DOK6: variants seen among roughly 807,000 people sequenced by gnomAD.
The protein encoded by DOK6 is downstream of tyrosine kinase 6.
DOK6 carries 22 observed loss-of-function variants against 44.0 expected under a neutral mutation model. The observed-to-expected ratio is 0.50, with a 90% confidence interval of 0.36 to 0.71. DOK6 has a LOEUF of 0.71. Among genes scored for constraint, DOK6 ranks in the 30% least tolerant of loss-of-function variants. The pLI is 0.00. For synonymous variants in DOK6, 166 were observed against 145.5 expected (o/e 1.14, Z -1.01); for missense variants, 340 against 416.4 (o/e 0.82, Z 1.60).
chr18:69,476,851 A>C (rs1442459494), intron 1 of DOK6, among the ~76,000 whole-genome samples: 1 of 152,234 alleles, frequency 6.6e-6, no homozygotes, highest in African/African-American at 2.4e-5. Flanking sequence ...ATACTCATGC[A>C]ATCCATGAAG....
At chr18:69,722,471 C>T (rs1430205513) in intron 5 of DOK6, among the ~76,000 whole-genome samples, 1 of 152,186 alleles carries the variant, frequency 6.6e-6, no homozygotes, top group Non-Finnish European at 1.5e-5. Context: ...ATGCCCATCG[C>T]TTTGGTGCCT....
chr18:69,437,814 G>T (rs914409167), intron 1 of DOK6, among the ~76,000 whole-genome samples: 1 of 152,106 alleles, frequency 6.6e-6, no homozygotes, highest in Non-Finnish European at 1.5e-5. Flanking sequence ...TATTGGTTCA[G>T]TTCTAGACCA....
intron 4 of DOK6, among the ~76,000 whole-genome samples, chr18:69,689,320 C>T (rs1986216099): frequency 6.6e-6 from 1 of 151,990 alleles, no homozygotes; most frequent in South Asian, 2.1e-4. Context: ...TTATATTTCA[C>T]AATATAGTTC....
chr18:69,822,154 T>C (rs951376383), intron 7 of DOK6, among the ~76,000 whole-genome samples: 1 of 152,226 alleles, frequency 6.6e-6, no homozygotes, highest in Non-Finnish European at 1.5e-5. Context: ...GCACTGAAAC[T>C]TAGCAGAGTC....
intron 3 of DOK6, among the ~76,000 whole-genome samples, chr18:69,670,243 A>T (rs186798646): frequency 1.1e-4 from 17 of 152,286 alleles, no homozygotes; most frequent in African/African-American, 4.1e-4. Flanking sequence ...TTTGGTACAG[A>T]GAAACAGTTT....
At chr18:69,405,962 T>C (rs1475581819) in intron 1 of DOK6, among the ~76,000 whole-genome samples, 1 of 152,268 alleles carries the variant, frequency 6.6e-6, no homozygotes, top group Non-Finnish European at 1.5e-5. Context: ...GACATTGTTT[T>C]CTGAAATGGA....
At position 69,548,134 on chromosome 18, in the gene DOK6, T is replaced by G. The variant is rs190688274; in HGVS notation, c.67-16353T>G. ...ACACCCGGCTAATTTTTTGTATTTT[T>G]AGTAGAGACGGGGTTTCACGGTGTT... On this transcript the variant is annotated intron_variant, in intron 1 of 7. Coordinates refer to ENST00000382713, the MANE Select transcript of DOK6 (RefSeq NM_152721.6). Among the ~76,000 whole-genome samples, 127 of 150,634 alleles carry G rather than the reference T, an allele frequency of 8.4e-4. 1 individual carries two copies. Among genetic ancestry groups the G allele is most frequent in the Middle Eastern group, 3.4e-3 (1 of 290 alleles).
rs1979412719 is a variant in DOK6, at chr18:69,757,884, T to A, written c.856+11T>A. On this transcript the variant is annotated intron_variant, in intron 7 of 7. Transcript: ENST00000382713. ...TCTACAGTTTGCAAGGCAAGTCACT[T>A]TAATGTAAGAAAGCAGTGCCTCCAT... 1 of 1,609,834 alleles carries A rather than the reference T, an allele frequency of 6.2e-7. No homozygotes were observed. Among genetic ancestry groups the A allele is most frequent in the Non-Finnish European group, 8.5e-7 (1 of 1,176,188 alleles).
intron 2 of DOK6, among the ~76,000 whole-genome samples, chr18:69,576,348 C>T (rs1275260947): frequency 6.6e-6 from 1 of 151,298 alleles, no homozygotes; most frequent in African/African-American, 2.4e-5. Context: ...TTGATATACC[C>T]TAAAATCAAA....
chr18:69,577,871 ATATC>A (rs1983274929), intron 2 of DOK6, among the ~76,000 whole-genome samples: 1 of 152,150 alleles, frequency 6.6e-6, no homozygotes, highest in African/African-American at 2.4e-5. Flanking sequence ...AAAATCTTAG[ATATC>A]TATCGCCAAT....
chr18:69,436,672 C>A (rs1978989119), intron 1 of DOK6, among the ~76,000 whole-genome samples: 1 of 152,126 alleles, frequency 6.6e-6, no homozygotes, highest in South Asian at 2.1e-4. Flanking sequence ...CGGGTATATA[C>A]CCAGTAATGG....
chr18:69,485,577 G>C (rs1980551861), intron 1 of DOK6, among the ~76,000 whole-genome samples: 1 of 151,954 alleles, frequency 6.6e-6, no homozygotes, highest in African/African-American at 2.4e-5. Flanking sequence ...ATCCTTTTTT[G>C]TGCCATTTTG....
intron 3 of DOK6, among the ~76,000 whole-genome samples, chr18:69,641,036 T>C (rs1451459433): frequency 6.6e-6 from 1 of 151,854 alleles, no homozygotes; most frequent in Non-Finnish European, 1.5e-5. Flanking sequence ...GCCAACATAG[T>C]AAAACCACGT....
At chr18:69,833,242 C>T (rs1282861565) in intron 7 of DOK6, among the ~76,000 whole-genome samples, 1 of 152,032 alleles carries the variant, frequency 6.6e-6, no homozygotes, top group Non-Finnish European at 1.5e-5. Flanking sequence ...GAGTTGAGGA[C>T]CCAGACATAA....
chr18:69,847,418 A>G lies in DOK6; in HGVS notation c.*6035A>G, dbSNP rs1219793285. The G allele has an allele frequency of 6.6e-6, 1 of 152,194 alleles. No individual in the cohort carries two copies. Among genetic ancestry groups the G allele is most frequent in the Non-Finnish European group, 1.5e-5 (1 of 68,038 alleles). 9.4% of individuals were successfully genotyped at this position (152,194 alleles called of 1,614,324 possible). ...ATTGAATTGTTCTATTAATTCCCTCAAGAGACCCACAGCCTCAAAAGAGTT... is the reference window on the plus strand; with the variant it reads ...ATTGAATTGTTCTATTAATTCCCTCGAGAGACCCACAGCCTCAAAAGAGTT... On this transcript the variant is annotated 3_prime_UTR_variant, in exon 8 of 8. Transcript: ENST00000382713.
intron 1 of DOK6, among the ~76,000 whole-genome samples, chr18:69,563,773 C>G (rs192581161): frequency 1.3e-5 from 2 of 151,198 alleles, no homozygotes; most frequent in Non-Finnish European, 2.9e-5. Flanking sequence ...GCCCATTGTG[C>G]GCATATAACC....
At chr18:69,629,743 A>G (rs545857382) in intron 3 of DOK6, among the ~76,000 whole-genome samples, 34 of 152,154 alleles carry the variant, frequency 2.2e-4, no homozygotes, top group African/African-American at 6.3e-4. Flanking sequence ...CTGCTTCCCA[A>G]CACAAACCCT....
intron 7 of DOK6, among the ~76,000 whole-genome samples, chr18:69,767,402 A>G (rs1476360954): frequency 1.3e-5 from 2 of 152,190 alleles, no homozygotes; most frequent in Admixed American, 6.6e-5. Flanking sequence ...TAAACAAGAC[A>G]TGGCACCTTA....
intron 5 of DOK6, among the ~76,000 whole-genome samples, chr18:69,725,298 G>T (rs1216578758): frequency 6.6e-6 from 1 of 152,118 alleles, no homozygotes; most frequent in Non-Finnish European, 1.5e-5. Flanking sequence ...AACGAGGGAT[G>T]GATAAGCGTT....
Sources: allele counts gnomAD v4.1 joint callset (sites outside exome capture counted in the v4.1 genomes callset), GRCh38; gene constraint gnomAD v4.1.1; transcripts MANE v1.5; gene names NCBI Gene and HGNC (gene_info 2026-07-23, HGNC 2026-07-21).